The following SDK1 variants were observed in gnomAD, a reference collection of about 807,000 sequenced individuals.
SDK1 encodes protein sidekick-1.
A neutral mutation model predicts 245.5 loss-of-function variants in SDK1; 157 were observed. The ratio of observed to expected loss-of-function variants is 0.64; its 90% CI spans 0.56 to 0.73. The LOEUF is 0.73. Among genes scored for constraint, SDK1 ranks in the 30% least tolerant of loss-of-function variants. The pLI is 0.00. For missense variants in SDK1, 3,583 were observed against 3,002.3 expected, an observed-to-expected ratio of 1.19 and a Z score of -4.52; for synonymous variants, 1,647 against 1,278.5, an observed-to-expected ratio of 1.29 and a Z score of -6.15.
At chr7:3,469,341 G>T (rs1056499312) in intron 1 of SDK1, among the ~76,000 whole-genome samples, 7 of 152,138 alleles carry the variant, frequency 4.6e-5, no homozygotes, top group African/African-American at 1.7e-4. Flanking sequence ...TGAGGCAGGA[G>T]GATTGCTTGA....
chr7:3,967,257 C>T, intron 9 of SDK1, 61 bp from the exon 10 acceptor site: 3 of 1,313,574 alleles, frequency 2.3e-6, no homozygotes, highest in African/African-American at 1.4e-5. Flanking sequence ...GATACTCTGC[C>T]AGGCTGATGT....
At chr7:3,413,747 C>T (rs2340846) in intron 1 of SDK1, among the ~76,000 whole-genome samples, 1 of 152,020 alleles carries the variant, frequency 6.6e-6, no homozygotes, top group East Asian at 1.9e-4. Flanking sequence ...CTGCACTTTG[C>T]GAGGCCATGG....
chr7:3,389,373 C>A (rs1380636355), intron 1 of SDK1, among the ~76,000 whole-genome samples: 1 of 152,040 alleles, frequency 6.6e-6, no homozygotes, highest in Admixed American at 6.6e-5. Flanking sequence ...AAAGAGAAGA[C>A]AACTACGAGA....
At chr7:3,361,539 T>C (rs1780953688) in intron 1 of SDK1, among the ~76,000 whole-genome samples, 1 of 152,226 alleles carries the variant, frequency 6.6e-6, no homozygotes, top group Non-Finnish European at 1.5e-5. Context: ...CTCCGCCCTG[T>C]GATTCACTCT....
intron 1 of SDK1, among the ~76,000 whole-genome samples, chr7:3,355,047 GT>G (rs1780755320): frequency 1.3e-5 from 2 of 152,274 alleles, no homozygotes; most frequent in South Asian, 4.2e-4. Flanking sequence ...TTAAATTGTG[GT>G]GGGAAATATC....
chr7:4,028,897 C>T (rs1787570276), intron 17 of SDK1, among the ~76,000 whole-genome samples: 1 of 152,190 alleles, frequency 6.6e-6, no homozygotes, highest in African/African-American at 2.4e-5. Flanking sequence ...GGACGGAGCT[C>T]TGCAACACTT....
Position 3,500,449 on chromosome 7 carries a change from C to T in SDK1, c.299-118631C>T, listed in dbSNP as rs142595084. Among the ~76,000 whole-genome samples the T allele has an allele frequency of 1.1e-3, 172 of 152,240 alleles. 4 individuals are homozygous for T. In the East Asian group the frequency reaches 0.031, roughly 28 times the overall value. ...ATTCTTGGTGGGAAATAATTTTCCT[C>T]ACTTATTTGAAAGTATTGCTCCATT... On this transcript the variant is annotated intron_variant, in intron 1 of 44. Transcript: ENST00000404826.
intron 13 of SDK1, among the ~76,000 whole-genome samples, chr7:3,983,147 A>G (rs894268614): frequency 5.3e-5 from 8 of 152,362 alleles, no homozygotes; most frequent in Middle Eastern, 3.4e-3. Context: ...TACCGTGAAC[A>G]TTGTTGAAAT....
At chr7:4,071,670 A>G (rs1182815809) in intron 20 of SDK1, among the ~76,000 whole-genome samples, 1 of 152,230 alleles carries the variant, frequency 6.6e-6, no homozygotes, top group Non-Finnish European at 1.5e-5. Context: ...GATTTTTAAA[A>G]GCTGAGCAGG....
chr7:3,308,840 G>GT (rs1364002245), intron 1 of SDK1, among the ~76,000 whole-genome samples: 1 of 152,038 alleles, frequency 6.6e-6, no homozygotes, highest in African/African-American at 2.4e-5. Flanking sequence ...AAGCTCTCAA[G>GT]TGTGTAAGCT....
intron 35 of SDK1, among the ~76,000 whole-genome samples, chr7:4,189,974 A>T (rs673013): frequency 0.99 from 150,872 of 152,250 alleles, 74,754 homozygotes; most frequent in East Asian, 1. Context: ...TTTTAATTAC[A>T]GTTGGTTGGA....
rs115950096 is a variant in SDK1 at position 3,717,976 on chromosome 7, G to T, written c.713+75871G>T. 1.9e-3 allele frequency among the ~76,000 whole-genome samples: 287 copies of T among 151,136 alleles called. 3 individuals carry two copies. The highest frequency in any genetic ancestry group is 6.8e-3 in the African/African-American group (279 of 41,022). On this transcript the variant is annotated intron_variant, in intron 4 of 44. Transcript: ENST00000404826. ...ACAGCATTTAAAAAAAAAAAAAACTGTAAACCTTTATGTCTCATGAATATA... is the reference window on the plus strand; with the variant it reads ...ACAGCATTTAAAAAAAAAAAAAACTTTAAACCTTTATGTCTCATGAATATA...
intron 22 of SDK1, among the ~76,000 whole-genome samples, chr7:4,096,400 A>G (rs569250519): frequency 5.3e-4 from 80 of 152,110 alleles, no homozygotes; most frequent in African/African-American, 1.9e-3. Flanking sequence ...CCTCCCGGCA[A>G]TGGTTGTTAG....
At chr7:3,413,384 G>A (rs1489080186) in intron 1 of SDK1, among the ~76,000 whole-genome samples, 1 of 152,138 alleles carries the variant, frequency 6.6e-6, no homozygotes, top group African/African-American at 2.4e-5. Context: ...ATGTGATGTT[G>A]AGATTTACTT....
chr7:4,177,117 A>T (rs1237923965), intron 34 of SDK1, among the ~76,000 whole-genome samples: 1 of 152,238 alleles, frequency 6.6e-6, no homozygotes, highest in South Asian at 2.1e-4. Flanking sequence ...CACAGCTCCA[A>T]CATGTTGAGA....
intron 1 of SDK1, among the ~76,000 whole-genome samples, chr7:3,375,095 C>T (rs1781320716): frequency 6.6e-6 from 1 of 152,052 alleles, no homozygotes; most frequent in Non-Finnish European, 1.5e-5. Context: ...GCTGCATACG[C>T]ATTTTCCGAT....
At chr7:3,403,842 T>TATATATATATATATA in intron 1 of SDK1, among the ~76,000 whole-genome samples, 1 of 80,718 alleles carries the variant, frequency 1.2e-5, no homozygotes, top group African/African-American at 9.8e-5. Context: ...TATATATATA[T>TATATATATATATATA]ATATATATAT....
chr7:3,577,385 A>G (rs1780328582), intron 1 of SDK1, among the ~76,000 whole-genome samples: 1 of 152,066 alleles, frequency 6.6e-6, no homozygotes, highest in Non-Finnish European at 1.5e-5. Flanking sequence ...GCGTCATAGC[A>G]TCAGAGTGGC....
At chr7:3,849,841 C>T (rs1353503041) in intron 5 of SDK1, among the ~76,000 whole-genome samples, 1 of 152,170 alleles carries the variant, frequency 6.6e-6, no homozygotes, top group Non-Finnish European at 1.5e-5. Flanking sequence ...TTCCAAAGCT[C>T]ACGTGGAGAG....
Sources: allele counts gnomAD v4.1 joint callset (sites outside exome capture counted in the v4.1 genomes callset), GRCh38; gene constraint gnomAD v4.1.1; transcripts MANE v1.5; gene names NCBI Gene and HGNC (gene_info 2026-07-23, HGNC 2026-07-21).